The following UGGT1 variants were observed in gnomAD, a reference collection of about 807,000 sequenced individuals.
The protein encoded by UGGT1 is UDP-glucose:glycoprotein glucosyltransferase 1.
Under a neutral mutation model 203.9 loss-of-function variants are expected in UGGT1, and 107 were observed. That is an observed-to-expected ratio of 0.52 (90% CI 0.45 to 0.62). The LOEUF is 0.62. Ranked by LOEUF, UGGT1 falls within the 20% of genes least tolerant of loss-of-function variation. The probability of loss-of-function intolerance (pLI) is 0.00; values close to 1 mark genes in which losing one functional copy is unlikely to be tolerated. For missense variants in UGGT1, 1,673 were observed against 1,867.2 expected, an observed-to-expected ratio of 0.90 and a Z score of 1.92; for synonymous variants, 628 against 653.5, an observed-to-expected ratio of 0.96 and a Z score of 0.59.
chr2:128,095,383 CCCTTCCCCTTCT>C (rs1180581522), intron 1 of UGGT1, among the ~76,000 whole-genome samples: 3 of 148,712 alleles, frequency 2.0e-5, no homozygotes, highest in South Asian at 2.2e-4. Context: ...CTTCCCCTTC[CCCTTCCCCTTCT>C]CCTTCCCCTT....
chr2:128,183,908 T>TGG (rs1326725459), intron 38 of UGGT1, 119 bp downstream of exon 38: 4 of 488,472 alleles, frequency 8.2e-6, no homozygotes, highest in East Asian at 4.0e-5. Flanking sequence ...TGTTTTTTCA[T>TGG]GGTGTGTGTG....
At chr2:128,159,838 G>T in intron 23 of UGGT1, 118 bp downstream of exon 23, 1 of 1,098,902 alleles carries the variant, frequency 9.1e-7, no homozygotes, top group East Asian at 2.6e-5. Context: ...TGAGTCTCAG[G>T]GAATTTTTTT....
chr2:128,162,838 A>G (rs993035424), intron 25 of UGGT1, among the ~76,000 whole-genome samples: 3 of 152,184 alleles, frequency 2.0e-5, no homozygotes, highest in African/African-American at 4.8e-5. Flanking sequence ...CCTTTTGCCA[A>G]TGAGAGATGG....
In UGGT1 at chr2:128,160,598, A is replaced by G. The variant is rs575540188; in HGVS notation, c.2694+7A>G. On this transcript the variant is annotated splice_region_variant and intron_variant, in intron 24 of 40. Coordinates refer to ENST00000259253, the MANE Select transcript of UGGT1 (RefSeq NM_020120.4). ...AGTGATCAGCAATGGAAGGGTGAGG[A>G]TTTGTCAAGCTTGACTTCACATTAG... 5 of 1,608,468 alleles carry G rather than the reference A, an allele frequency of 3.1e-6. No homozygotes were observed. The African/African-American group carries it at 5.3e-5, about 17-fold the overall frequency.
chr2:128,130,999 G>A (rs867499354), intron 13 of UGGT1, among the ~76,000 whole-genome samples: 6 of 151,860 alleles, frequency 4.0e-5, no homozygotes, highest in Non-Finnish European at 8.8e-5. Context: ...TTGGGAGGCC[G>A]AGGTGGGTGG....
At chr2:128,134,766 C>T (rs904950203) in intron 14 of UGGT1, 110 bp from the exon 15 acceptor site, 18 of 848,444 alleles carry the variant, frequency 2.1e-5, no homozygotes, top group Admixed American at 6.1e-5. Flanking sequence ...GTGGTTCAAG[C>T]GTAGCTCGAA....
chr2:128,150,569 GTGTGTGTC>G (rs1689903185), intron 18 of UGGT1, among the ~76,000 whole-genome samples: 2 of 151,894 alleles, frequency 1.3e-5, no homozygotes, highest in Non-Finnish European at 2.9e-5. Context: ...ATGTGTGTGT[GTGTGTGTC>G]TGTGTGTGCA....
rs1031418161 is a variant in UGGT1 at position 128,091,239 on chromosome 2, G to A, written c.-119G>A. On this transcript the variant is annotated 5_prime_UTR_variant, in exon 1 of 41. Transcript: ENST00000259253. ...TTTGCGAGGCTGGGTGTTGAGTCGA[G>A]CCGCGGGAAAGGCGCGTGTCGGCCT... 8.6e-7 allele frequency: 1 copy of A among 1,162,984 alleles called. No homozygotes were observed. The highest frequency in any genetic ancestry group is 1.6e-5 in the African/African-American group (1 of 61,794). The allele number at this position is 1,162,984 out of a possible 1,614,324, so 72.0% of individuals were successfully genotyped here.
At chr2:128,171,700 G>A (rs548556205) in intron 28 of UGGT1, among the ~76,000 whole-genome samples, 1 of 152,186 alleles carries the variant, frequency 6.6e-6, no homozygotes, top group Admixed American at 6.5e-5. Context: ...TAGAGACGGG[G>A]TTTCACCATG....
chr2:128,140,135 CA>C, intron 16 of UGGT1: 1 of 160,646 alleles, frequency 6.2e-6, no homozygotes, highest in Non-Finnish European at 1.4e-5. Context: ...TTCACGAAAT[CA>C]AAATCGTCAC....
rs1175151517 is a variant in UGGT1 at position 128,189,763 on chromosome 2, A to G, written c.*21A>G. 1.9e-6 allele frequency: 3 copies of G among 1,612,386 alleles called. No homozygotes were observed. The African/African-American group carries it at 4.0e-5, about 22-fold the overall frequency. The stretch of plus-strand genomic sequence containing the variant: ...TATGATCTCTGGAGAAGGACAGGAA[A>G]TCACCCCATTTGAAAAACAGTTTTT... On this transcript the variant is annotated 3_prime_UTR_variant, in exon 41 of 41. Coordinates refer to ENST00000259253, the MANE Select transcript of UGGT1 (RefSeq NM_020120.4).
intron 25 of UGGT1, among the ~76,000 whole-genome samples, chr2:128,162,584 C>CA (rs1690579777): frequency 6.6e-6 from 1 of 152,148 alleles, no homozygotes; most frequent in African/African-American, 2.4e-5. Context: ...AATCTTTTCT[C>CA]ATTTTGGCCA....
At chr2:128,138,903 T>C (rs992261485) in intron 16 of UGGT1, 51 bp downstream of exon 16, 1 of 1,606,500 alleles carries the variant, frequency 6.2e-7, no homozygotes, top group Non-Finnish European at 8.5e-7. Flanking sequence ...TAACTTACTC[T>C]TAATAACAAT....
chr2:128,145,509 CACACACACACACACAT>C, intron 17 of UGGT1: 1 of 128,182 alleles, frequency 7.8e-6, no homozygotes, highest in Admixed American at 1.4e-4. Flanking sequence ...CAAACACACA[CACACACACACACACAT>C]ACACAAACAC....
At chr2:128,182,793 C>A (rs1691768490) in intron 37 of UGGT1, among the ~76,000 whole-genome samples, 1 of 151,112 alleles carries the variant, frequency 6.6e-6, no homozygotes, top group East Asian at 1.9e-4. Flanking sequence ...AACCTCCCAA[C>A]TTATTGACTG....
chr2:128,185,248 G>T (rs1459964287), intron 38 of UGGT1, among the ~76,000 whole-genome samples: 1 of 147,326 alleles, frequency 6.8e-6, no homozygotes, highest in African/African-American at 2.5e-5. Context: ...AGCCCAGGCT[G>T]GAGTGCAGTG....
chr2:128,153,691 T>C (rs1014427150), intron 19 of UGGT1, among the ~76,000 whole-genome samples: 1 of 152,264 alleles, frequency 6.6e-6, no homozygotes, highest in Admixed American at 6.5e-5. Context: ...TTCCTTTTTA[T>C]AGTCCACTTT....
intron 19 of UGGT1, 25 bp from the exon 20 acceptor site, chr2:128,155,464 A>C: frequency 1.3e-6 from 2 of 1,516,790 alleles, no homozygotes; most frequent in Non-Finnish European, 1.8e-6. Flanking sequence ...GAACTAATAT[A>C]TACGTATTTC....
chr2:128,112,013 C>G (rs1687879660), intron 5 of UGGT1, among the ~76,000 whole-genome samples: 1 of 151,336 alleles, frequency 6.6e-6, no homozygotes, highest in Non-Finnish European at 1.5e-5. Context: ...TGTCGTGCAC[C>G]TGTAGTCCCT....
Sources: allele counts gnomAD v4.1 joint callset (sites outside exome capture counted in the v4.1 genomes callset), GRCh38; gene constraint gnomAD v4.1.1; transcripts MANE v1.5; gene names NCBI Gene and HGNC (gene_info 2026-07-23, HGNC 2026-07-21).